Variants in DYRK1A observed in about 807,000 individuals in gnomAD.
The protein encoded by DYRK1A is dual specificity tyrosine phosphorylation regulated kinase 1A.
In DYRK1A, 9 loss-of-function variants were observed where a neutral mutation model predicts 79.7. The ratio of observed to expected loss-of-function variants is 0.11; its 90% CI spans 0.07 to 0.20. The LOEUF (loss-of-function observed/expected upper bound fraction) is 0.20, where lower values mean the gene tolerates loss of function less well. Ranked by LOEUF, DYRK1A falls within the 10% of genes least tolerant of loss-of-function variation. The probability of loss-of-function intolerance (pLI) is 1.00; values close to 1 mark genes in which losing one functional copy is unlikely to be tolerated. For missense variants in DYRK1A, 622 were observed against 956.0 expected, an observed-to-expected ratio of 0.65 and a Z score of 4.61; for synonymous variants, 349 against 329.7, an observed-to-expected ratio of 1.06 and a Z score of -0.63.
Position 37,392,068 on chromosome 21 carries a change from A to G in DYRK1A, c.-77+24440A>G, listed in dbSNP as rs116153359. 7.1e-3 allele frequency among the ~76,000 whole-genome samples: 1,076 copies of G among 152,324 alleles called. 13 individuals are homozygous for G. The highest frequency in any genetic ancestry group is 0.025 in the African/African-American group (1,033 of 41,580). On this transcript the variant is annotated intron_variant, in intron 1 of 11. Coordinates refer to ENST00000647188, the MANE Select transcript of DYRK1A (RefSeq NM_001347721.2). ...GATGTTGAGTAAATTGCCCAAGGTT[A>G]CATAGTTGTAGTTGTTAACACTGAA...
At chr21:37,431,872 CTAAAGT>C (rs1239468634) in intron 2 of DYRK1A, among the ~76,000 whole-genome samples, 1 of 151,542 alleles carries the variant, frequency 6.6e-6, no homozygotes, top group African/African-American at 2.4e-5. Context: ...TTTTTAAACC[CTAAAGT>C]TAATTTGCAA....
rs145165000 is a variant in DYRK1A at position 37,435,509 on chromosome 21, C to T, written c.10+15125C>T. Among the ~76,000 whole-genome samples the T allele has an allele frequency of 1.5e-4, 23 of 152,234 alleles. 1 individual carries two copies. In the East Asian group the frequency reaches 4.0e-3, roughly 27 times the overall value. The stretch of plus-strand genomic sequence containing the variant: ...AATTGCTCTGTTAAATAACTGTAAC[C>T]AAAATATGTGTATTACATTTTAGAA... On this transcript the variant is annotated intron_variant, in intron 2 of 11. Transcript: ENST00000647188.
chr21:37,422,545 G>A (rs913136942), intron 2 of DYRK1A, among the ~76,000 whole-genome samples: 1 of 152,070 alleles, frequency 6.6e-6, no homozygotes. Context: ...GGTTAGATGT[G>A]GTAACTTACT....
chr21:37,391,421 G>A (rs117198731), intron 1 of DYRK1A, among the ~76,000 whole-genome samples: 3,175 of 152,264 alleles, frequency 0.021, 47 homozygotes, highest in Non-Finnish European at 0.031. Flanking sequence ...GTCCATCACT[G>A]TCTTGTATCT....
intron 2 of DYRK1A, among the ~76,000 whole-genome samples, chr21:37,451,830 G>A (rs534567626): frequency 5.7e-4 from 87 of 152,220 alleles, no homozygotes; most frequent in Non-Finnish European, 9.4e-4. Flanking sequence ...CCAGTTCCCT[G>A]TAAGATTCTG....
At chr21:37,439,859 T>C (rs2051039675) in intron 2 of DYRK1A, among the ~76,000 whole-genome samples, 1 of 152,158 alleles carries the variant, frequency 6.6e-6, no homozygotes, top group Non-Finnish European at 1.5e-5. Flanking sequence ...GATTACCACA[T>C]GGTTTTTATT....
chr21:37,418,348 G>C (rs183990758), intron 1 of DYRK1A, among the ~76,000 whole-genome samples: 2 of 152,166 alleles, frequency 1.3e-5, no homozygotes, highest in Admixed American at 1.3e-4. Context: ...GTTTCAAAAA[G>C]GTGTCAGAAA....
rs542251919 is a variant in DYRK1A, at chr21:37,506,964, T to C, written c.1644+741T>C. Among the ~76,000 whole-genome samples, 12 of 152,332 alleles carry C rather than the reference T, an allele frequency of 7.9e-5. No homozygotes were observed. The East Asian group carries it at 2.3e-3, about 29-fold the overall frequency. On this transcript the variant is annotated intron_variant, in intron 11 of 11. Transcript: ENST00000647188. The stretch of plus-strand genomic sequence containing the variant: ...TGCAGCTGTTTGTCAGCACTGTTAA[T>C]ACTCACCAACCTCTGCTGGGCAGTC...
At chr21:37,417,549 T>TCTTTTTC (rs1569304741) in intron 1 of DYRK1A, among the ~76,000 whole-genome samples, 7 of 136,032 alleles carry the variant, frequency 5.1e-5, no homozygotes, top group Non-Finnish European at 6.4e-5. Context: ...TTTTTTTTTT[T>TCTTTTTC]TTTTTACAAA....
intron 2 of DYRK1A, among the ~76,000 whole-genome samples, chr21:37,465,691 G>C (rs2052001544): frequency 6.6e-6 from 1 of 152,106 alleles, no homozygotes; most frequent in South Asian, 2.1e-4. Flanking sequence ...ACAAAAATTA[G>C]CTATGGGTGG....
intron 1 of DYRK1A, chr21:37,415,462 A>G (rs771603629): frequency 3.3e-5 from 5 of 151,760 alleles, no homozygotes; most frequent in African/African-American, 7.3e-5. Flanking sequence ...CCTTTAATAT[A>G]TATATGTTTT....
At position 37,490,164 on chromosome 21, in the gene DYRK1A, T is replaced by C. The variant is rs1310426800; in HGVS notation, c.638-11T>C. 2 of 1,606,476 alleles carry C rather than the reference T, an allele frequency of 1.2e-6. No homozygotes were observed. The highest frequency in any genetic ancestry group is 4.5e-5 in the East Asian group (2 of 44,760). On this transcript the variant is annotated splice_polypyrimidine_tract_variant and intron_variant, in intron 6 of 11. Coordinates refer to ENST00000647188, the MANE Select transcript of DYRK1A (RefSeq NM_001347721.2). ...ATATATAATTTAAAATGAAACTGTT[T>C]TCTCTTTCAGTGCATTTGAAACGCC...
At position 37,496,064 on chromosome 21, in the gene DYRK1A, G is replaced by A; in HGVS notation, c.1072-54G>A. The A allele has an allele frequency of 1.9e-6, 3 of 1,543,650 alleles. No individual in the cohort carries two copies. The South Asian group carries it at 3.6e-5, about 18-fold the overall frequency. On this transcript the variant is annotated intron_variant, in intron 8 of 11. Coordinates refer to ENST00000647188, the MANE Select transcript of DYRK1A (RefSeq NM_001347721.2). ...TTATGAATGAATGACTTGATGAGCA[G>A]GAGTAGATGTACAGTAGAAATTACA... is the stretch of plus-strand genomic sequence containing the variant.
intron 5 of DYRK1A, 162 bp from the exon 6 acceptor site, chr21:37,486,304 TG>T: frequency 4.6e-6 from 2 of 434,776 alleles, no homozygotes; most frequent in Non-Finnish European, 4.0e-6. Context: ...GGATATATAT[TG>T]AATAGAAATA....
intron 2 of DYRK1A, among the ~76,000 whole-genome samples, chr21:37,424,170 G>A (rs762305651): frequency 2.0e-5 from 3 of 152,078 alleles, no homozygotes; most frequent in Non-Finnish European, 2.9e-5. Context: ...TGTCGTGGTC[G>A]TGTGTGTCTG....
In DYRK1A at chr21:37,522,694, G is replaced by A. The variant is rs376408265; in HGVS notation, c.*10163G>A. 6 of 152,328 alleles carry A rather than the reference G, an allele frequency of 3.9e-5. No homozygotes were observed. Among genetic ancestry groups the A allele is most frequent in the African/African-American group, 7.2e-5 (3 of 41,566 alleles). The allele number at this position is 152,328 out of a possible 1,614,324, so 9.4% of individuals were successfully genotyped here. A position where few individuals can be genotyped will look rare whatever the true frequency, so the allele number is the denominator to read the frequency against. ...GGAGATGTTGAACAGGTTTCTCTCC[G>A]ACAATCGTCTCGTTTAATTGTGAAA... On this transcript the variant is annotated 3_prime_UTR_variant, in exon 12 of 12. Transcript: ENST00000647188.
chr21:37,372,123 C>T (rs73214095), intron 1 of DYRK1A, among the ~76,000 whole-genome samples: 11,461 of 151,994 alleles, frequency 0.075, 648 homozygotes, highest in Non-Finnish European at 0.11. Flanking sequence ...TTAAGGCTTG[C>T]ATCTTGGCAC....
At chr21:37,437,550 A>T (rs149706464) in intron 2 of DYRK1A, among the ~76,000 whole-genome samples, 2 of 152,210 alleles carry the variant, frequency 1.3e-5, no homozygotes, top group Admixed American at 1.3e-4. Context: ...TTACTTGTGA[A>T]ACTTTTACCA....
chr21:37,523,371 C>T lies in DYRK1A; in HGVS notation c.*10840C>T, dbSNP rs186409504. On this transcript the variant is annotated 3_prime_UTR_variant, in exon 12 of 12. Transcript: ENST00000647188. ...GGCCCCTTTCTTTGTGAGAGGGGGC[C>T]CCAGGATTATGCCCCGGGATTAAAA... The T allele has an allele frequency of 4.6e-5, 7 of 152,264 alleles. No homozygotes were observed. Among genetic ancestry groups the T allele is most frequent in the Admixed American group, 3.3e-4 (5 of 15,292 alleles). 9.4% of individuals were successfully genotyped at this position (152,264 alleles called of 1,614,324 possible).
Sources: gnomAD v4.1 joint callset for allele counts (sites outside exome capture counted in the v4.1 genomes callset) on GRCh38, gnomAD v4.1.1 for gene constraint, MANE v1.5 for transcripts, NCBI Gene and HGNC (gene_info 2026-07-23, HGNC 2026-07-21) for gene names.